GALNT13: variants seen among roughly 807,000 people sequenced by gnomAD.
The protein encoded by GALNT13 is polypeptide N-acetylgalactosaminyltransferase 13, also known as UDP-GalNAc:polypeptide N-acetylgalactosaminyltransferase 13.
Under a neutral mutation model 64.2 loss-of-function variants are expected in GALNT13, and 28 were observed. The observed-to-expected ratio is 0.44, with a 90% CI of 0.32 to 0.60. GALNT13 has a LOEUF of 0.60. GALNT13 is among the 20% of genes least tolerant of loss of function. The pLI is 0.05. For synonymous variants in GALNT13, 214 were observed against 224.6 expected (o/e 0.95, Z 0.42); for missense variants, 577 against 669.8 (o/e 0.86, Z 1.53).
At chr2:153,969,046 A>C (rs1471752594) in intron 3 of GALNT13, among the ~76,000 whole-genome samples, 1 of 151,980 alleles carries the variant, frequency 6.6e-6, no homozygotes, top group Non-Finnish European at 1.5e-5. Context: ...TTTTTTGATA[A>C]TGATTCACTT....
At chr2:153,186,710 G>A in the GALNT13 span, among the ~76,000 whole-genome samples, 1 of 152,086 alleles carries the variant, frequency 6.6e-6, no homozygotes, top group Non-Finnish European at 1.5e-5. Context: ...GGGAGTACAG[G>A]TGTCTGCAAC....
chr2:153,211,539 A>T, the GALNT13 span, among the ~76,000 whole-genome samples: 4 of 152,144 alleles, frequency 2.6e-5, no homozygotes, highest in African/African-American at 9.7e-5. Context: ...TTTTTATCTT[A>T]ACATTAATTT....
the GALNT13 span, among the ~76,000 whole-genome samples, chr2:153,175,379 CAA>C: frequency 6.6e-6 from 1 of 152,070 alleles, no homozygotes; most frequent in East Asian, 1.9e-4. Context: ...GGTGCATACA[CAA>C]GAGTGTAATT....
At chr2:153,717,079 A>G in the GALNT13 span, among the ~76,000 whole-genome samples, 3 of 152,240 alleles carry the variant, frequency 2.0e-5, no homozygotes, top group East Asian at 3.9e-4. Context: ...TAACCATTCA[A>G]TATTGCTGGG....
chr2:153,755,493 A>G, the GALNT13 span, among the ~76,000 whole-genome samples: 1 of 151,968 alleles, frequency 6.6e-6, no homozygotes, highest in Non-Finnish European at 1.5e-5. Flanking sequence ...CATTTCTCTA[A>G]TGATTAGTGA....
chr2:154,193,450 C>G (rs1368759026), intron 4 of GALNT13, among the ~76,000 whole-genome samples: 1 of 152,184 alleles, frequency 6.6e-6, no homozygotes, highest in African/African-American at 2.4e-5. Flanking sequence ...ACTAACCAGT[C>G]TGCAGTTTTG....
the GALNT13 span, among the ~76,000 whole-genome samples, chr2:153,127,942 C>A: frequency 3.3e-5 from 5 of 152,142 alleles, no homozygotes; most frequent in African/African-American, 1.2e-4. Flanking sequence ...GTTCAATACT[C>A]ATCTAGTGAT....
the GALNT13 span, among the ~76,000 whole-genome samples, chr2:153,127,673 G>A: frequency 6.6e-6 from 1 of 152,090 alleles, no homozygotes; most frequent in Non-Finnish European, 1.5e-5. Context: ...ACAGCCCTGA[G>A]GTATCTTTTG....
At chr2:153,988,053 G>C (rs1694912286) in intron 3 of GALNT13, among the ~76,000 whole-genome samples, 1 of 135,274 alleles carries the variant, frequency 7.4e-6, no homozygotes, top group Non-Finnish European at 1.7e-5. Flanking sequence ...AGGGTAGGAG[G>C]TGACATATAT....
intron 9 of GALNT13, among the ~76,000 whole-genome samples, chr2:154,382,642 G>A (rs1698325538): frequency 6.6e-6 from 1 of 151,912 alleles, no homozygotes; most frequent in Non-Finnish European, 1.5e-5. Context: ...TGTCCTGCGG[G>A]TAACTAATGA....
At chr2:153,948,915 T>A (rs74410660) in intron 3 of GALNT13, among the ~76,000 whole-genome samples, 1,772 of 152,208 alleles carry the variant, frequency 0.012, 22 homozygotes, top group Non-Finnish European at 0.015. Flanking sequence ...ACCTCGGTGA[T>A]GAATAAGTGT....
At chr2:153,721,770 A>T in the GALNT13 span, among the ~76,000 whole-genome samples, 17 of 151,386 alleles carry the variant, frequency 1.1e-4, no homozygotes, top group African/African-American at 4.2e-4. Flanking sequence ...TCCTAAATAT[A>T]TATGCATCCA....
the GALNT13 span, among the ~76,000 whole-genome samples, chr2:153,310,769 T>A: frequency 2.7e-4 from 41 of 152,300 alleles, 1 homozygote; most frequent in Admixed American, 7.2e-4. Context: ...GATTTTGAAC[T>A]GCATGGGGGT....
intron 4 of GALNT13, among the ~76,000 whole-genome samples, chr2:154,212,960 A>G (rs1415782362): frequency 6.6e-6 from 1 of 152,182 alleles, no homozygotes; most frequent in Admixed American, 6.6e-5. Flanking sequence ...AGAAAATGTA[A>G]CATTCATTTG....
chr2:153,837,171 T>C, the GALNT13 span, among the ~76,000 whole-genome samples: 43 of 152,128 alleles, frequency 2.8e-4, no homozygotes, highest in African/African-American at 1.0e-3. Context: ...CAGCACCTGT[T>C]GTTTCCTGAC....
At chr2:153,724,530 G>T in the GALNT13 span, among the ~76,000 whole-genome samples, 1 of 106,838 alleles carries the variant, frequency 9.4e-6, no homozygotes, top group Non-Finnish European at 1.8e-5. Context: ...CCTACAACAT[G>T]GGAGAAAATT....
chr2:153,815,072 G>T, the GALNT13 span, among the ~76,000 whole-genome samples: 10 of 152,292 alleles, frequency 6.6e-5, no homozygotes, highest in African/African-American at 2.4e-4. Context: ...TCTCAGACAA[G>T]CTATTGCCTA....
the GALNT13 span, among the ~76,000 whole-genome samples, chr2:153,203,268 A>G: frequency 6.6e-6 from 1 of 152,226 alleles, no homozygotes; most frequent in South Asian, 2.1e-4. Context: ...GGTGAGGTCT[A>G]TTCGTCTTCT....
At chr2:153,355,644 C>T in the GALNT13 span, among the ~76,000 whole-genome samples, 6 of 152,100 alleles carry the variant, frequency 3.9e-5, no homozygotes, top group African/African-American at 1.4e-4. Flanking sequence ...AGAATTTGGC[C>T]TTCTTAATCA....
Sources: gnomAD v4.1 joint callset for allele counts (sites outside exome capture counted in the v4.1 genomes callset) on GRCh38, gnomAD v4.1.1 for gene constraint, MANE v1.5 for transcripts, NCBI Gene and HGNC (gene_info 2026-07-23, HGNC 2026-07-21) for gene names.